The following NMNAT3 variants were observed in gnomAD, a reference collection of about 807,000 sequenced individuals.
The protein encoded by NMNAT3 is nicotinamide/nicotinic acid mononucleotide adenylyltransferase 3.
NMNAT3 carries 21 observed loss-of-function variants against 24.8 expected under a neutral mutation model. The ratio of observed to expected loss-of-function variants is 0.85; its 90% CI spans 0.60 to 1.22. NMNAT3 has a LOEUF of 1.22. Among genes scored for constraint, NMNAT3 ranks in the 50% most tolerant of loss-of-function variants. The pLI is 0.00. For synonymous variants in NMNAT3, 136 were observed against 155.2 expected (o/e 0.88, Z 0.92); for missense variants, 387 against 436.6 (o/e 0.89, Z 1.01).
At chr3:139,660,699 TAA>T (rs2057387289) in intron 1 of NMNAT3, among the ~76,000 whole-genome samples, 1 of 152,208 alleles carries the variant, frequency 6.6e-6, no homozygotes, top group Admixed American at 6.5e-5. Context: ...TCACATTTGG[TAA>T]AGTCCTTGGA....
chr3:139,583,578 G>A, intron 3 of NMNAT3: 1 of 751,334 alleles, frequency 1.3e-6, no homozygotes, highest in Non-Finnish European at 2.4e-6. Context: ...AGAAATATAG[G>A]TGGATTGAGA....
intron 1 of NMNAT3, among the ~76,000 whole-genome samples, chr3:139,675,859 G>A (rs547320738): frequency 6.6e-6 from 1 of 152,288 alleles, no homozygotes; most frequent in East Asian, 1.9e-4. Context: ...GTTCATTCAG[G>A]AGAAGGAGAG....
intron 1 of NMNAT3, among the ~76,000 whole-genome samples, chr3:139,670,526 C>A (rs1261988437): frequency 6.6e-6 from 1 of 152,226 alleles, no homozygotes; most frequent in Non-Finnish European, 1.5e-5. Flanking sequence ...ACTACTCAGA[C>A]TCAAGTCCTT....
At chr3:139,636,026 A>G (rs2056486857) in intron 2 of NMNAT3, 1 of 152,228 alleles carries the variant, frequency 6.6e-6, no homozygotes, top group Non-Finnish European at 1.5e-5. Context: ...GACAAAGAAT[A>G]GGTCAAGAGA....
At chr3:139,565,886 G>C (rs1937117660) in intron 6 of NMNAT3, 1 of 152,172 alleles carries the variant, frequency 6.6e-6, no homozygotes, top group African/African-American at 2.4e-5. Flanking sequence ...CCAGTAATGG[G>C]ATGGCTGGGT....
chr3:139,612,429 C>CCT (rs1219073167), intron 3 of NMNAT3, among the ~76,000 whole-genome samples: 3 of 152,156 alleles, frequency 2.0e-5, no homozygotes, highest in African/African-American at 7.2e-5. Flanking sequence ...GTCACAAGAT[C>CCT]ACCTTGGCAA....
intron 3 of NMNAT3, among the ~76,000 whole-genome samples, chr3:139,624,246 A>G (rs564918765): frequency 6.6e-6 from 1 of 152,174 alleles, no homozygotes; most frequent in Admixed American, 6.5e-5. Flanking sequence ...TTTTTTATAT[A>G]TTGTTTTCAC....
intron 6 of NMNAT3, chr3:139,570,144 A>G (rs762356167): frequency 6.6e-6 from 1 of 152,124 alleles, no homozygotes; most frequent in Non-Finnish European, 1.5e-5. Flanking sequence ...TCGGCTCCTG[A>G]GGCTTCTACA....
intron 3 of NMNAT3, among the ~76,000 whole-genome samples, chr3:139,616,783 T>A (rs554196733): frequency 1.3e-5 from 2 of 152,348 alleles, no homozygotes; most frequent in Non-Finnish European, 2.9e-5. Flanking sequence ...TCTGTGTGTG[T>A]GTGTATGTGC....
intron 3 of NMNAT3, 24 bp downstream of exon 4, chr3:139,627,592 T>A: frequency 7.0e-7 from 1 of 1,425,564 alleles, no homozygotes. Flanking sequence ...GTTCTTCTGT[T>A]GGACTCAGGG....
At chr3:139,651,367 T>C (rs2057050395) in intron 1 of NMNAT3, among the ~76,000 whole-genome samples, 1 of 152,194 alleles carries the variant, frequency 6.6e-6, no homozygotes, top group African/African-American at 2.4e-5. Context: ...AAGGTACATT[T>C]CTAACTAATC....
intron 3 of NMNAT3, among the ~76,000 whole-genome samples, chr3:139,622,771 C>CATATATATGATATATATATG (rs1212088438): frequency 0.014 from 1,911 of 132,458 alleles, 29 homozygotes; most frequent in Non-Finnish European, 0.024. Context: ...TCATATATAT[C>CATATATATGATATATATATG]ATATATATGA....
At chr3:139,640,676 G>A (rs999047745) in intron 1 of NMNAT3, among the ~76,000 whole-genome samples, 1 of 152,164 alleles carries the variant, frequency 6.6e-6, no homozygotes, top group Non-Finnish European at 1.5e-5. Context: ...GCAGGCAAGA[G>A]ACATGATGCC....
chr3:139,666,133 G>A (rs77208377), intron 1 of NMNAT3, among the ~76,000 whole-genome samples: 3,191 of 152,260 alleles, frequency 0.021, 123 homozygotes, highest in African/African-American at 0.073. Context: ...TCCAACCCAC[G>A]CACAACAGCA....
At chr3:139,630,244 C>G (rs975474506) in intron 2 of NMNAT3, among the ~76,000 whole-genome samples, 1 of 152,170 alleles carries the variant, frequency 6.6e-6, no homozygotes, top group African/African-American at 2.4e-5. Flanking sequence ...GGTTACATGG[C>G]CACTGTAGCT....
intron 6 of NMNAT3, among the ~76,000 whole-genome samples, chr3:139,563,648 T>A (rs1276131732): frequency 6.6e-6 from 1 of 152,208 alleles, no homozygotes; most frequent in Non-Finnish European, 1.5e-5. Context: ...TGTTATTTCA[T>A]GACGACAATA....
intron 1 of NMNAT3, among the ~76,000 whole-genome samples, chr3:139,671,193 T>C (rs1437945066): frequency 1.3e-5 from 2 of 152,254 alleles, no homozygotes; most frequent in Non-Finnish European, 1.5e-5. Context: ...TTTTCATATG[T>C]AACTCTTGTC....
intron 3 of NMNAT3, among the ~76,000 whole-genome samples, chr3:139,625,521 C>G (rs2056012429): frequency 6.6e-6 from 1 of 152,026 alleles, no homozygotes; most frequent in African/African-American, 2.4e-5. Context: ...TAAAACATAC[C>G]TTTAACTTCT....
At chr3:139,628,215 T>G (rs756603358) in intron 2 of NMNAT3, among the ~76,000 whole-genome samples, 1 of 152,224 alleles carries the variant, frequency 6.6e-6, no homozygotes, top group Non-Finnish European at 1.5e-5. Context: ...AAAACACTTT[T>G]TATTTTGAAA....
Sources: allele counts gnomAD v4.1 joint callset (sites outside exome capture counted in the v4.1 genomes callset), GRCh38; gene constraint gnomAD v4.1.1; transcripts MANE v1.5; gene names NCBI Gene and HGNC (gene_info 2026-07-23, HGNC 2026-07-21).